Variants in COBLL1 observed in about 807,000 individuals in gnomAD.
COBLL1 encodes the protein cordon-bleu WH2 repeat protein like 1.
A neutral mutation model predicts 94.8 loss-of-function variants in COBLL1; 50 were observed. The ratio of observed to expected loss-of-function variants is 0.53; its 90% CI spans 0.42 to 0.67. The LOEUF (loss-of-function observed/expected upper bound fraction) is 0.67, where lower values mean the gene tolerates loss of function less well. Ranked by LOEUF, COBLL1 falls within the 30% of genes least tolerant of loss-of-function variation. The probability of loss-of-function intolerance (pLI) is 0.00; values close to 1 mark genes in which losing one functional copy is unlikely to be tolerated. For synonymous variants in COBLL1, 448 were observed against 473.8 expected, an observed-to-expected ratio of 0.95 and a Z score of 0.71; for missense variants, 1,362 against 1,348.7, an observed-to-expected ratio of 1.01 and a Z score of -0.15.
chr2:164,748,802 C>T (rs1408635342), intron 2 of COBLL1, among the ~76,000 whole-genome samples: 2 of 152,066 alleles, frequency 1.3e-5, no homozygotes, highest in Non-Finnish European at 1.5e-5. Context: ...GGCAAAAATT[C>T]ATTATTCAAG....
At chr2:164,708,710 T>G (rs1684732008) in intron 7 of COBLL1, among the ~76,000 whole-genome samples, 6 of 152,234 alleles carry the variant, frequency 3.9e-5, no homozygotes, top group Admixed American at 3.9e-4. Flanking sequence ...AAAGCCATGC[T>G]CCACTCCTAT....
At chr2:164,822,734 A>ATAT (rs199529383) in intron 2 of COBLL1, among the ~76,000 whole-genome samples, 4,551 of 139,334 alleles carry the variant, frequency 0.033, 85 homozygotes, top group East Asian at 0.062. Context: ...AGATTATATT[A>ATAT]TATTATTATT....
At chr2:164,730,175 G>T in intron 3 of COBLL1, 60 bp from the exon 4 acceptor site, 1 of 1,365,368 alleles carries the variant, frequency 7.3e-7, no homozygotes, top group Non-Finnish European at 1.0e-6. Context: ...TAGAATGCTT[G>T]TCTTCAATAG....
intron 7 of COBLL1, among the ~76,000 whole-genome samples, chr2:164,719,802 TAC>T (rs1370288091): frequency 2.6e-5 from 4 of 152,050 alleles, no homozygotes; most frequent in Non-Finnish European, 5.9e-5. Context: ...TTCAAACCAC[TAC>T]AGTTGAGAAC....
At position 164,743,860 on chromosome 2, in the gene COBLL1, G is replaced by A; in HGVS notation, c.57C>T (p.Ala19=). The A allele has an allele frequency of 2.0e-6, 3 of 1,529,552 alleles. No individual in the cohort carries two copies. Among genetic ancestry groups the A allele is most frequent in the East Asian group, 2.3e-5 (1 of 42,720 alleles). 94.7% of individuals were successfully genotyped at this position (1,529,552 alleles called of 1,614,324 possible). ...TCTCAGCTGGAGGAAGTGGTGCCTT[G>A]GCTTTTGGTTTTCTCCTAAAATATA... ...QDAPARRKPK[A]KAPLPPAETK... is the part of the protein sequence containing the mutation. Residue 19 remains alanine, a synonymous_variant, in exon 3 of 14, where the codon GCC becomes GCT. Coordinates refer to ENST00000652658, the MANE Select transcript of COBLL1 (RefSeq NM_001365672.2).
At chr2:164,756,033 C>T (rs532560121) in intron 2 of COBLL1, among the ~76,000 whole-genome samples, 12 of 142,850 alleles carry the variant, frequency 8.4e-5, no homozygotes, top group East Asian at 4.8e-4. Context: ...TACATACGTG[C>T]GTATAGTGTG....
chr2:164,743,474 T>G, intron 3 of COBLL1: 1 of 433,800 alleles, frequency 2.3e-6, no homozygotes, highest in Non-Finnish European at 4.1e-6. Flanking sequence ...CAAGAGTCAT[T>G]TAATTGGGTT....
At chr2:164,659,728 T>C (rs1234652123) in intron 2 of COBLL1, among the ~76,000 whole-genome samples, 1 of 152,188 alleles carries the variant, frequency 6.6e-6, no homozygotes, top group South Asian at 2.1e-4. Context: ...TTTTAGGGAA[T>C]AAGGAGTGAG....
chr2:164,798,177 A>G (rs1043728270), intron 2 of COBLL1, among the ~76,000 whole-genome samples: 2 of 152,252 alleles, frequency 1.3e-5, no homozygotes, highest in African/African-American at 4.8e-5. Flanking sequence ...TGAATTTTAA[A>G]AAAATCTAAG....
chr2:164,669,160 G>A (rs972770231), intron 1 of COBLL1, among the ~76,000 whole-genome samples: 1 of 152,152 alleles, frequency 6.6e-6, no homozygotes, highest in Non-Finnish European at 1.5e-5. Context: ...GGGAAGAGTT[G>A]ATGAACTCAG....
intron 2 of COBLL1, among the ~76,000 whole-genome samples, chr2:164,753,450 CA>C (rs34843887): frequency 0.23 from 33,897 of 146,084 alleles, 4,285 homozygotes; most frequent in African/African-American, 0.35. Flanking sequence ...GGTGCACAAA[CA>C]AAAAAAAAAA....
intron 2 of COBLL1, among the ~76,000 whole-genome samples, chr2:164,775,157 T>A (rs376216137): frequency 2.9e-4 from 43 of 148,388 alleles, no homozygotes; most frequent in African/African-American, 1.0e-3. Flanking sequence ...CCCTGCCTCT[T>A]AAAAAAAAAA....
intron 2 of COBLL1, among the ~76,000 whole-genome samples, chr2:164,796,573 T>C (rs914886173): frequency 6.6e-6 from 1 of 151,760 alleles, no homozygotes; most frequent in African/African-American, 2.4e-5. Context: ...CTTTCTACAA[T>C]GAATATTGTT....
chr2:164,775,419 TTC>T (rs1688417329), intron 2 of COBLL1, among the ~76,000 whole-genome samples: 1 of 152,114 alleles, frequency 6.6e-6, no homozygotes, highest in South Asian at 2.1e-4. Context: ...GTGCAATACA[TTC>T]TGTTTTGTCT....
intron 3 of COBLL1, among the ~76,000 whole-genome samples, chr2:164,732,657 A>G (rs529180208): frequency 6.6e-6 from 1 of 152,222 alleles, no homozygotes; most frequent in Non-Finnish European, 1.5e-5. Context: ...TCTATATATA[A>G]ATGTGTCAAG....
At chr2:164,841,888 G>T, upstream of COBLL1, 1 of 1,246,856 alleles carries the variant, frequency 8.0e-7, no homozygotes, top group Non-Finnish European at 1.1e-6. This position sits in a 1 kb window ranked among gnomAD's most constrained non-coding sequence, Gnocchi z 5.5. Context: ...CACCTCCCCT[G>T]TCCCGCGGGC....
At chr2:164,744,021 T>C (rs533358380) in intron 2 of COBLL1, 146 bp from the exon 3 acceptor site, 2 of 588,054 alleles carry the variant, frequency 3.4e-6, no homozygotes, top group South Asian at 7.0e-5. Context: ...TAGTGTTGGA[T>C]GGTCGAATTA....
At chr2:164,789,515 A>G (rs1683071304) in intron 2 of COBLL1, among the ~76,000 whole-genome samples, 1 of 152,150 alleles carries the variant, frequency 6.6e-6, no homozygotes, top group South Asian at 2.1e-4. Context: ...TTTTTGAGGA[A>G]TAAGAATATG....
intron 2 of COBLL1, among the ~76,000 whole-genome samples, chr2:164,814,885 C>A (rs1684638883): frequency 6.6e-6 from 1 of 152,156 alleles, no homozygotes; most frequent in African/African-American, 2.4e-5. Flanking sequence ...TAATTATATG[C>A]AACAAAGGAG....
Sources: gnomAD v4.1 joint callset for allele counts (sites outside exome capture counted in the v4.1 genomes callset) on GRCh38, gnomAD v4.1.1 for gene constraint, Gnocchi (gnomAD v3.1) non-coding constraint, MANE v1.5 for transcripts, NCBI Gene and HGNC (gene_info 2026-07-23, HGNC 2026-07-21) for gene names.